The following ROBO2 variants were observed in gnomAD, a reference collection of about 807,000 sequenced individuals.
ROBO2 encodes the protein roundabout homolog 2.
In ROBO2, 53 loss-of-function variants were observed where a neutral mutation model predicts 160.8. The observed-to-expected ratio is 0.33, with a 90% CI of 0.26 to 0.41. The LOEUF (loss-of-function observed/expected upper bound fraction) is 0.41, where lower values mean the gene tolerates loss of function less well. Ranked by LOEUF, ROBO2 falls within the 10% of genes least tolerant of loss-of-function variation. ROBO2 has a pLI of 1.00. For missense variants in ROBO2, 1,577 were observed against 1,722.4 expected, an observed-to-expected ratio of 0.92 and a Z score of 1.49; for synonymous variants, 664 against 611.7, an observed-to-expected ratio of 1.09 and a Z score of -1.26.
intron 2 of ROBO2, among the ~76,000 whole-genome samples, chr3:76,298,485 A>G (rs1265710904): frequency 6.6e-6 from 1 of 152,212 alleles, no homozygotes; most frequent in South Asian, 2.1e-4. Context: ...TTCTTTAAAT[A>G]TATGACAGAC....
intron 2 of ROBO2, among the ~76,000 whole-genome samples, chr3:76,876,207 T>C (rs540334812): frequency 6.6e-6 from 1 of 152,296 alleles, no homozygotes; most frequent in Admixed American, 6.5e-5. Flanking sequence ...AATCACTTTC[T>C]CCATGGTTTT....
intron 2 of ROBO2, among the ~76,000 whole-genome samples, chr3:76,911,316 T>C: frequency 6.6e-6 from 1 of 152,204 alleles, no homozygotes; most frequent in East Asian, 1.9e-4. Context: ...TTCTGAGGAA[T>C]CTAATGCTAC....
intron 1 of ROBO2, among the ~76,000 whole-genome samples, chr3:77,088,347 TG>T (rs1017925846): frequency 5.3e-5 from 8 of 152,196 alleles, no homozygotes; most frequent in African/African-American, 1.9e-4. Context: ...TGCTGAATGC[TG>T]AAGGTTTTAT....
intron 2 of ROBO2, among the ~76,000 whole-genome samples, chr3:76,646,227 TGA>T (rs1319150527): frequency 1.3e-5 from 2 of 152,188 alleles, no homozygotes; most frequent in African/African-American, 2.4e-5. Flanking sequence ...CCTGAGTTGC[TGA>T]GCTAGGAAGA....
chr3:75,919,297 T>C (rs1946931965), intron 1 of ROBO2, among the ~76,000 whole-genome samples: 1 of 152,218 alleles, frequency 6.6e-6, no homozygotes, highest in African/African-American at 2.4e-5. Flanking sequence ...GAGATAATCA[T>C]GCAGTTTTTG....
chr3:77,053,733 G>T (rs2065440889), intron 1 of ROBO2, among the ~76,000 whole-genome samples: 1 of 152,148 alleles, frequency 6.6e-6, no homozygotes, highest in Admixed American at 6.5e-5. Context: ...GAAAATATTA[G>T]TGGAGTAAAA....
chr3:76,472,681 A>G (rs2078728219), intron 2 of ROBO2, among the ~76,000 whole-genome samples: 1 of 152,216 alleles, frequency 6.6e-6, no homozygotes, highest in Non-Finnish European at 1.5e-5. Flanking sequence ...TAAATGTCAC[A>G]TATTTTGTTA....
At chr3:76,834,051 TC>T (rs2067349769) in intron 2 of ROBO2, among the ~76,000 whole-genome samples, 2 of 114,754 alleles carry the variant, frequency 1.7e-5, no homozygotes, top group African/African-American at 6.5e-5. Flanking sequence ...TTTCTTTCTC[TC>T]CTTTCTTTCT....
chr3:77,123,951 G>C (rs1480168861), intron 2 of ROBO2, among the ~76,000 whole-genome samples: 1 of 148,980 alleles, frequency 6.7e-6, no homozygotes, highest in Non-Finnish European at 1.5e-5. Flanking sequence ...TATCTATATA[G>C]ATAGATATGT....
intron 2 of ROBO2, among the ~76,000 whole-genome samples, chr3:76,975,094 T>C: frequency 6.6e-6 from 1 of 152,208 alleles, no homozygotes; most frequent in East Asian, 1.9e-4. Context: ...GTAATATTTA[T>C]AACGTGGAAA....
intron 2 of ROBO2, among the ~76,000 whole-genome samples, chr3:76,685,408 A>C (rs951019704): frequency 1.3e-5 from 2 of 152,152 alleles, no homozygotes; most frequent in African/African-American, 4.8e-5. Flanking sequence ...TTAAAGAACA[A>C]GAGTTTTAAA....
chr3:77,445,380 G>T (rs1197982062), intron 2 of ROBO2, among the ~76,000 whole-genome samples: 1 of 151,972 alleles, frequency 6.6e-6, no homozygotes, highest in African/African-American at 2.4e-5. Context: ...TAAACAGAAA[G>T]CTTATTTGGT....
intron 2 of ROBO2, among the ~76,000 whole-genome samples, chr3:77,315,568 T>A (rs2063907731): frequency 6.6e-6 from 1 of 152,208 alleles, no homozygotes; most frequent in Admixed American, 6.5e-5. Flanking sequence ...TCACATTTTT[T>A]AAAACTGGGC....
intron 1 of ROBO2, among the ~76,000 whole-genome samples, chr3:77,081,648 A>G (rs536658975): frequency 6.6e-6 from 1 of 152,294 alleles, no homozygotes; most frequent in South Asian, 2.1e-4. Context: ...TGTTGAAGGG[A>G]GGCAGTGGCT....
chr3:76,387,288 A>T (rs2076937681), intron 2 of ROBO2, among the ~76,000 whole-genome samples: 1 of 152,182 alleles, frequency 6.6e-6, no homozygotes, highest in Non-Finnish European at 1.5e-5. Flanking sequence ...GAGCACAAAC[A>T]TTCAAATCAT....
chr3:76,979,080 C>G (rs1372160690), intron 2 of ROBO2, among the ~76,000 whole-genome samples: 1 of 152,042 alleles, frequency 6.6e-6, no homozygotes, highest in Non-Finnish European at 1.5e-5. Flanking sequence ...GCAGCTGGGA[C>G]TACAGGTGTG....
In ROBO2 at chr3:77,008,510, C is replaced by T. The variant is rs142561729; in HGVS notation, c.110-89504C>T. On this transcript the variant is annotated intron_variant, in intron 2 of 26. Coordinates refer to the ROBO2 transcript ENST00000487694. The stretch of plus-strand genomic sequence containing the variant: ...ATAGGTGAGATGAGGGAGAAATATA[C>T]GACAATACTAACTCCAGGTTTGTTT... Among the ~76,000 whole-genome samples, 852 of 152,144 alleles carry T rather than the reference C, an allele frequency of 5.6e-3. 6 individuals carry two copies. Among genetic ancestry groups the T allele is most frequent in the African/African-American group, 0.02 (811 of 41,518 alleles).
chr3:77,135,351 G>C (rs1167325566), intron 2 of ROBO2, among the ~76,000 whole-genome samples: 1 of 152,098 alleles, frequency 6.6e-6, no homozygotes, highest in South Asian at 2.1e-4. Context: ...GTCTTATTGT[G>C]ATCTCTGTAA....
intron 2 of ROBO2, among the ~76,000 whole-genome samples, chr3:76,334,541 T>A (rs886449679): frequency 3.9e-5 from 6 of 152,204 alleles, no homozygotes; most frequent in Admixed American, 1.3e-4. Flanking sequence ...TCTAGTGATC[T>A]ACAAGCAGCT....
Sources: gnomAD v4.1 joint callset for allele counts (sites outside exome capture counted in the v4.1 genomes callset) on GRCh38, gnomAD v4.1.1 for gene constraint, MANE v1.5 for transcripts, NCBI Gene and HGNC (gene_info 2026-07-23, HGNC 2026-07-21) for gene names.